The following FBXO11 variants were observed in gnomAD, a reference collection of about 807,000 sequenced individuals.
FBXO11 encodes the protein F-box only protein 11.
FBXO11 carries 13 observed loss-of-function variants against 117.0 expected under a neutral mutation model. The observed-to-expected ratio is 0.11, with a 90% CI of 0.07 to 0.18. FBXO11 has a LOEUF of 0.18. Ranked by LOEUF, FBXO11 falls within the 10% of genes least tolerant of loss-of-function variation. The pLI is 1.00. For synonymous variants in FBXO11, 490 were observed against 380.5 expected (o/e 1.29, Z -3.35); for missense variants, 767 against 1,164.4 (o/e 0.66, Z 4.97).
rs2104599907 is a variant in FBXO11, at chr2:47,807,333, A to G, written c.*785T>C. ...TTTCACAAAACTGAGTTACAAGAAT[A>G]CTTTTGTTTTACAGTGCATCCCTTC... On this transcript the variant is annotated 3_prime_UTR_variant, in exon 23 of 23. Coordinates refer to ENST00000403359, the MANE Select transcript of FBXO11 (RefSeq NM_001190274.2). 4.7e-6 allele frequency: 1 copy of G among 213,782 alleles called. No homozygotes were observed. The highest frequency in any genetic ancestry group is 2.3e-5 in the African/African-American group (1 of 44,212). 13.2% of individuals were successfully genotyped at this position (213,782 alleles called of 1,614,324 possible).
chr2:47,876,161 T>TA (rs977004515), intron 1 of FBXO11, among the ~76,000 whole-genome samples: 1 of 152,230 alleles, frequency 6.6e-6, no homozygotes, highest in Non-Finnish European at 1.5e-5. Context: ...TTAGTTTTGG[T>TA]AAAATACCCT....
At chr2:47,839,536 T>C in intron 2 of FBXO11, 36 bp from the exon 3 acceptor site, 1 of 1,609,114 alleles carries the variant, frequency 6.2e-7, no homozygotes, top group East Asian at 2.2e-5. Context: ...AAAGCAAATA[T>C]TCTTATCATC....
At chr2:47,841,980 T>G (rs1673044460) in intron 1 of FBXO11, among the ~76,000 whole-genome samples, 1 of 150,678 alleles carries the variant, frequency 6.6e-6, no homozygotes, top group Non-Finnish European at 1.5e-5. Flanking sequence ...ATAATACAAA[T>G]GCTTTTAGTG....
In FBXO11 at chr2:47,813,864, A is replaced by T; in HGVS notation, c.2010T>A (p.Thr670=). 2 of 1,610,394 alleles carry T rather than the reference A, an allele frequency of 1.2e-6. No homozygotes were observed. Among genetic ancestry groups the T allele is most frequent in the Middle Eastern group, 1.7e-4 (1 of 6,054 alleles). ...TGCGTCTAATTTTGGGGTTGCTTCC[A>T]GTCCTGTAAACAGAATAGACAATAA... The part of the protein sequence containing the change: ...NHMYSGVQIR[T]GSNPKIRRNK... The change falls in exon 17 of 23, where the codon ACT becomes ACA. Residue 670 remains threonine, a synonymous_variant. Coordinates refer to ENST00000403359, the MANE Select transcript of FBXO11 (RefSeq NM_001190274.2).
intron 1 of FBXO11, among the ~76,000 whole-genome samples, chr2:47,863,940 CAA>C (rs35685068): frequency 1.1e-5 from 1 of 94,036 alleles, no homozygotes. Flanking sequence ...GACTCTGTCT[CAA>C]AAAAAAAAAA....
At chr2:47,850,303 T>C (rs1389147571) in intron 1 of FBXO11, among the ~76,000 whole-genome samples, 2 of 152,126 alleles carry the variant, frequency 1.3e-5, no homozygotes, top group Non-Finnish European at 2.9e-5. Context: ...ATTTTGAGTT[T>C]TGAGGTACCT....
chr2:47,876,496 G>A (rs780918258), intron 1 of FBXO11, among the ~76,000 whole-genome samples: 1 of 152,116 alleles, frequency 6.6e-6, no homozygotes, highest in Non-Finnish European at 1.5e-5. Flanking sequence ...CCTCATTCTT[G>A]CTGACAGATA....
intron 1 of FBXO11, among the ~76,000 whole-genome samples, chr2:47,875,623 A>T (rs1003703889): frequency 6.6e-5 from 10 of 152,124 alleles, no homozygotes; most frequent in Non-Finnish European, 1.3e-4. Context: ...TTAGGTTTAT[A>T]AAAAAGGGTC....
intron 1 of FBXO11, among the ~76,000 whole-genome samples, chr2:47,879,867 T>C (rs1480808899): frequency 2.0e-5 from 3 of 152,234 alleles, no homozygotes; most frequent in Admixed American, 1.3e-4. Flanking sequence ...ATTTGTCTTT[T>C]TGTGACTGGC....
At chr2:47,902,114 C>G (rs975798949) in intron 1 of FBXO11, among the ~76,000 whole-genome samples, 10 of 151,854 alleles carry the variant, frequency 6.6e-5, no homozygotes, top group African/African-American at 2.4e-4. Context: ...TTTTGTATTT[C>G]TAGTTAAGAC....
At chr2:47,896,201 G>A (rs1468653211) in intron 1 of FBXO11, among the ~76,000 whole-genome samples, 1 of 151,942 alleles carries the variant, frequency 6.6e-6, no homozygotes, top group Non-Finnish European at 1.5e-5. Flanking sequence ...AAAAGATCAG[G>A]AAAAGAAATA....
intron 1 of FBXO11, among the ~76,000 whole-genome samples, chr2:47,851,222 TTTTTC>T (rs761911485): frequency 2.0e-5 from 3 of 152,278 alleles, no homozygotes; most frequent in Admixed American, 6.5e-5. Context: ...TGCTATTAAT[TTTTTC>T]TTTTCTTTTC....
At chr2:47,859,250 T>G (rs1182091737) in intron 1 of FBXO11, among the ~76,000 whole-genome samples, 5 of 151,918 alleles carry the variant, frequency 3.3e-5, no homozygotes, top group Non-Finnish European at 1.5e-5. Context: ...TACAATAAAA[T>G]GTACCCAACT....
intron 12 of FBXO11, among the ~76,000 whole-genome samples, chr2:47,822,867 C>G (rs556963599): frequency 6.6e-6 from 1 of 152,242 alleles, no homozygotes; most frequent in East Asian, 1.9e-4. Context: ...ATCTATAATG[C>G]AGTTTGATGA....
rs144525654 is a variant in FBXO11 at position 47,887,886 on chromosome 2, C to T, written c.232+17603G>A. On this transcript the variant is annotated intron_variant, in intron 1 of 22. Transcript: ENST00000403359. ...AAACCCATTAGCGGGCTTGGAGGGA[C>T]ACACCTGTAGTCCTAGCTACTGGCG... Among the ~76,000 whole-genome samples the T allele has an allele frequency of 1.4e-4, 21 of 152,116 alleles. 1 individual carries two copies. The highest frequency in any genetic ancestry group is 4.8e-4 in the African/African-American group (20 of 41,500).
intron 1 of FBXO11, among the ~76,000 whole-genome samples, chr2:47,874,163 G>C (rs1675827474): frequency 6.6e-6 from 1 of 152,154 alleles, no homozygotes; most frequent in South Asian, 2.1e-4. Context: ...GCTGTGAGCA[G>C]AGATTGCACC....
intron 22 of FBXO11, 39 bp downstream of exon 22, chr2:47,808,290 A>G (rs1333025835): frequency 2.4e-5 from 39 of 1,612,764 alleles, no homozygotes; most frequent in Non-Finnish European, 3.3e-5. Context: ...GTGAGGGGGA[A>G]AGTAATTGGG....
intron 1 of FBXO11, among the ~76,000 whole-genome samples, chr2:47,851,119 T>C (rs1673824466): frequency 6.6e-6 from 1 of 152,088 alleles, no homozygotes; most frequent in South Asian, 2.1e-4. Flanking sequence ...TTATCAAATA[T>C]ATCATTAATT....
chr2:47,844,438 T>C (rs1165921034), intron 1 of FBXO11, among the ~76,000 whole-genome samples: 2 of 152,192 alleles, frequency 1.3e-5, no homozygotes, highest in Non-Finnish European at 2.9e-5. Flanking sequence ...AGGCCATATA[T>C]CCTATCCCCA....
Sources: gnomAD v4.1 joint callset for allele counts (sites outside exome capture counted in the v4.1 genomes callset) on GRCh38, gnomAD v4.1.1 for gene constraint, MANE v1.5 for transcripts, NCBI Gene and HGNC (gene_info 2026-07-23, HGNC 2026-07-21) for gene names.